Variants in PAWR observed in about 807,000 individuals in gnomAD.
The protein encoded by PAWR is PRKC apoptosis WT1 regulator protein.
Under a neutral mutation model 32.0 loss-of-function variants are expected in PAWR, and 23 were observed. The ratio of observed to expected loss-of-function variants is 0.72; its 90% CI spans 0.52 to 1.02. The LOEUF (loss-of-function observed/expected upper bound fraction) is 1.02, where lower values mean the gene tolerates loss of function less well. Among genes scored for constraint, PAWR ranks in the 50% least tolerant of loss-of-function variants. The probability of loss-of-function intolerance (pLI) is 0.00; values close to 1 mark genes in which losing one functional copy is unlikely to be tolerated. For synonymous variants in PAWR, 226 were observed against 187.1 expected, an observed-to-expected ratio of 1.21 and a Z score of -1.70; for missense variants, 457 against 437.7, an observed-to-expected ratio of 1.04 and a Z score of -0.39.
rs7966988 is a variant in PAWR at position 79,663,710 on chromosome 12, T to C, written c.516+26019A>G. ...GGGAGGTGGAGATTGCAGTGAGCCA[T>C]GATCTGCACCACTATACTCCAGCCT... is the stretch of plus-strand genomic sequence containing the variant. On this transcript the variant is annotated intron_variant, in intron 2 of 6. Coordinates refer to ENST00000328827, the MANE Select transcript of PAWR (RefSeq NM_002583.4). Among the ~76,000 whole-genome samples, 324 of 151,878 alleles carry C rather than the reference T, an allele frequency of 2.1e-3. 2 individuals are homozygous for C. Among genetic ancestry groups the C allele is most frequent in the African/African-American group, 7.6e-3 (316 of 41,402 alleles).
At chr12:79,599,083 A>G (rs1189133448) in intron 4 of PAWR, among the ~76,000 whole-genome samples, 1 of 152,198 alleles carries the variant, frequency 6.6e-6, no homozygotes, top group Non-Finnish European at 1.5e-5. Context: ...TTAAAAAATA[A>G]AGAATAAGGC....
At chr12:79,647,892 CA>C (rs945616057) in intron 2 of PAWR, among the ~76,000 whole-genome samples, 7 of 152,190 alleles carry the variant, frequency 4.6e-5, no homozygotes, top group African/African-American at 1.7e-4. Context: ...GAACACAAGA[CA>C]GGGGCAGGGG....
At chr12:79,647,522 AGTTAAT>A (rs1876634859) in intron 2 of PAWR, among the ~76,000 whole-genome samples, 1 of 152,240 alleles carries the variant, frequency 6.6e-6, no homozygotes, top group Admixed American at 6.5e-5. Context: ...TTCTAAAAAC[AGTTAAT>A]AGACAAGATG....
chr12:79,678,053 C>T (rs1878255980), intron 2 of PAWR, among the ~76,000 whole-genome samples: 1 of 152,148 alleles, frequency 6.6e-6, no homozygotes, highest in Non-Finnish European at 1.5e-5. Flanking sequence ...TCACTTGGTA[C>T]AACTTTGTTT....
intron 2 of PAWR, among the ~76,000 whole-genome samples, chr12:79,623,937 C>A (rs943652122): frequency 6.6e-6 from 1 of 152,052 alleles, no homozygotes; most frequent in Non-Finnish European, 1.5e-5. Context: ...CATTTTAAAT[C>A]AAGGAGTTGC....
At chr12:79,653,110 C>G (rs944588105) in intron 2 of PAWR, among the ~76,000 whole-genome samples, 2 of 152,062 alleles carry the variant, frequency 1.3e-5, no homozygotes, top group Admixed American at 6.5e-5. Flanking sequence ...ATGGCATGAT[C>G]TCAGCTCACT....
At position 79,610,735 on chromosome 12, in the gene PAWR, T is replaced by C. The variant is rs145172537; in HGVS notation, c.683+2840A>G. Among the ~76,000 whole-genome samples the C allele has an allele frequency of 2.8e-3, 383 of 137,344 alleles. 3 individuals are homozygous for C. The highest frequency in any genetic ancestry group is 0.024 in the East Asian group (116 of 4,802). The allele number at this position is 137,344 out of a possible 152,430, so 90.1% of individuals were successfully genotyped here. On this transcript the variant is annotated intron_variant, in intron 4 of 6. Transcript: ENST00000328827. ...GAGTTTGAGATCACCCTGGGCAACA[T>C]AGAGAGATTCTGTCTCTACCAAAAA...
At chr12:79,653,715 G>A (rs1044525626) in intron 2 of PAWR, among the ~76,000 whole-genome samples, 2 of 152,046 alleles carry the variant, frequency 1.3e-5, no homozygotes, top group Non-Finnish European at 2.9e-5. Context: ...CCAACCTCAG[G>A]TGATCCGCCC....
At chr12:79,620,290 T>C (rs1874941074) in intron 3 of PAWR, among the ~76,000 whole-genome samples, 1 of 152,234 alleles carries the variant, frequency 6.6e-6, no homozygotes, top group Non-Finnish European at 1.5e-5. Flanking sequence ...ATCCTTCCCC[T>C]TCCTTTCCTG....
At chr12:79,687,997 A>C (rs1278025244) in intron 2 of PAWR, among the ~76,000 whole-genome samples, 2 of 151,054 alleles carry the variant, frequency 1.3e-5, no homozygotes, top group African/African-American at 4.9e-5. Flanking sequence ...CTCTACAGAC[A>C]AAAAAAAAGG....
intron 3 of PAWR, among the ~76,000 whole-genome samples, chr12:79,618,453 C>T (rs1406027958): frequency 2.0e-5 from 3 of 152,130 alleles, no homozygotes; most frequent in Non-Finnish European, 4.4e-5. Flanking sequence ...CTGGTAAGAA[C>T]ATTTAAAATA....
At chr12:79,624,882 A>G (rs933690215) in intron 2 of PAWR, among the ~76,000 whole-genome samples, 3 of 152,184 alleles carry the variant, frequency 2.0e-5, no homozygotes, top group African/African-American at 7.2e-5. Flanking sequence ...ATGTGTTAGA[A>G]AGGCTTATAT....
chr12:79,689,955 A>G lies in PAWR; in HGVS notation c.290T>C (p.Met97Thr), dbSNP rs1878903732. 1.4e-6 allele frequency: 2 copies of G among 1,383,478 alleles called. No individual in the cohort carries two copies. The highest frequency in any genetic ancestry group is 1.5e-5 in the African/African-American group (1 of 65,074). 85.7% of individuals were successfully genotyped at this position (1,383,478 alleles called of 1,614,324 possible). Residue 97 changes from methionine to threonine, a missense_variant, in exon 2 of 7, where the codon ATG becomes ACG. Transcript: ENST00000328827. ...GGVNCAVGSA[M>T]LTRAAPGPRR... ...CGGGCCGGGGGCCGCCCGCGTCAGCATGGCGGAGCCGACCGCGCAGTTCAC... is the reference window on the plus strand; with the variant it reads ...CGGGCCGGGGGCCGCCCGCGTCAGCGTGGCGGAGCCGACCGCGCAGTTCAC...
At chr12:79,602,707 A>G (rs967417028) in intron 4 of PAWR, among the ~76,000 whole-genome samples, 6 of 152,146 alleles carry the variant, frequency 3.9e-5, no homozygotes, top group South Asian at 2.1e-4. Context: ...TGCTTAGCAG[A>G]TATTTAATAG....
intron 2 of PAWR, among the ~76,000 whole-genome samples, chr12:79,652,801 G>A (rs1876910474): frequency 6.6e-6 from 1 of 152,058 alleles, no homozygotes; most frequent in Admixed American, 6.6e-5. Context: ...TTGACAAAGA[G>A]TTCTTTTCTG....
At chr12:79,671,960 A>G (rs991651516) in intron 2 of PAWR, among the ~76,000 whole-genome samples, 10 of 152,220 alleles carry the variant, frequency 6.6e-5, no homozygotes, top group African/African-American at 2.4e-4. Flanking sequence ...CTGCACGAAT[A>G]GCAGTGAAAA....
At chr12:79,682,389 T>C (rs533115338) in intron 2 of PAWR, among the ~76,000 whole-genome samples, 100 of 152,276 alleles carry the variant, frequency 6.6e-4, no homozygotes, top group African/African-American at 2.1e-3. Context: ...CAATATAAAT[T>C]CTCTCCTATC....
At chr12:79,632,308 C>CATATATACATAT (rs1566010872) in intron 2 of PAWR, 1 of 25,166 alleles carries the variant, frequency 4.0e-5, no homozygotes, top group African/African-American at 3.0e-4. Context: ...TATATATATA[C>CATATATACATAT]ATACATATAT....
chr12:79,587,886 CT>C lies in PAWR; in HGVS notation c.*4720del, dbSNP rs1349655654. 2.2e-5 allele frequency: 3 copies of C among 139,164 alleles called. No homozygotes were observed. The highest frequency in any genetic ancestry group is 3.3e-5 in the Non-Finnish European group (2 of 61,392). The allele number at this position is 139,164 out of a possible 1,614,324, so 8.6% of individuals were successfully genotyped here. On this transcript the variant is annotated 3_prime_UTR_variant, in exon 7 of 7. Transcript: ENST00000328827. ...AAGTTGACTATTCCACAATAAAAAC[CT>C]ATGAAATGGGAATGATCAAAGCTGT...
Sources: gnomAD v4.1 joint callset for allele counts (sites outside exome capture counted in the v4.1 genomes callset) on GRCh38, gnomAD v4.1.1 for gene constraint, MANE v1.5 for transcripts, NCBI Gene and HGNC (gene_info 2026-07-23, HGNC 2026-07-21) for gene names.